DNMBP: variants seen among roughly 807,000 people sequenced by gnomAD.
DNMBP encodes dynamin-binding protein.
In DNMBP, 87 loss-of-function variants were observed where a neutral mutation model predicts 150.0. That is an observed-to-expected ratio of 0.58 (90% confidence interval 0.49 to 0.69). The LOEUF is 0.69. DNMBP is among the 30% of genes least tolerant of loss of function. The pLI is 0.00. For missense variants in DNMBP, 1,774 were observed against 1,949.0 expected, an observed-to-expected ratio of 0.91 and a Z score of 1.69; for synonymous variants, 711 against 750.4, an observed-to-expected ratio of 0.95 and a Z score of 0.86.
At chr10:99,889,140 A>G in intron 11 of DNMBP, 187 bp from the exon 12 acceptor site, 1 of 602,696 alleles carries the variant, frequency 1.7e-6, no homozygotes, top group Admixed American at 3.3e-5. Context: ...GCACAGAGAA[A>G]GGCTAAGACT....
chr10:99,934,607 G>A (rs1332923169), intron 4 of DNMBP, among the ~76,000 whole-genome samples: 1 of 135,878 alleles, frequency 7.4e-6, no homozygotes, highest in African/African-American at 2.8e-5. Context: ...GGATTACTGA[G>A]GAAGAAGCCA....
At position 99,886,711 on chromosome 10, in the gene DNMBP, A is replaced by C. The variant is rs1024589094; in HGVS notation, c.3286-79T>G. On this transcript the variant is annotated intron_variant, in intron 12 of 16. Transcript: ENST00000324109. The stretch of plus-strand genomic sequence containing the variant: ...ATTATCCAAGTCACTCTTAAGGCTG[A>C]CTTTGTTGTGTCCTGAACCACCTAC... 6.4e-6 allele frequency: 9 copies of C among 1,397,464 alleles called. 1 individual carries two copies. The African/African-American group carries it at 1.3e-4, about 20-fold the overall frequency. The allele number at this position is 1,397,464 out of a possible 1,614,324, so 86.6% of individuals were successfully genotyped here.
At chr10:99,950,380 G>A (rs575708097) in intron 4 of DNMBP, among the ~76,000 whole-genome samples, 79 of 152,258 alleles carry the variant, frequency 5.2e-4, no homozygotes, top group African/African-American at 1.7e-3. Flanking sequence ...CCAGTAAAGC[G>A]GGGCACTGCT....
chr10:99,897,958 T>A, intron 9 of DNMBP, 128 bp downstream of exon 9: 1 of 725,604 alleles, frequency 1.4e-6, no homozygotes, highest in Non-Finnish European at 2.4e-6. Flanking sequence ...AATTCTACCA[T>A]TTCTTCATCA....
At chr10:99,994,010 A>T (rs2040926097) in intron 1 of DNMBP, among the ~76,000 whole-genome samples, 1 of 152,228 alleles carries the variant, frequency 6.6e-6, no homozygotes, top group Non-Finnish European at 1.5e-5. Context: ...GAGGGTAGGT[A>T]ACAAACACAG....
intron 11 of DNMBP, among the ~76,000 whole-genome samples, chr10:99,890,800 T>C (rs933469008): frequency 6.6e-6 from 1 of 152,110 alleles, no homozygotes; most frequent in Non-Finnish European, 1.5e-5. Flanking sequence ...GTGCCTGCCA[T>C]CATGCCCAGC....
chr10:99,925,364 G>A lies in DNMBP; in HGVS notation c.2261-16218C>T, dbSNP rs569426096. On this transcript the variant is annotated intron_variant, in intron 4 of 16. Transcript: ENST00000324109. ...CTATCTCTTCATTTATAAAATAAATGGGTTGTATTTAAGTGTTTTTCAAAC... is the reference window on the plus strand; with the variant it reads ...CTATCTCTTCATTTATAAAATAAATAGGTTGTATTTAAGTGTTTTTCAAAC... 3.9e-5 allele frequency among the ~76,000 whole-genome samples: 6 copies of A among 152,162 alleles called. No homozygotes were observed. The East Asian group carries it at 1.2e-3, about 29-fold the overall frequency.
In DNMBP at chr10:99,920,304, A is replaced by G. The variant is rs1025774313; in HGVS notation, c.2261-11158T>C. Among the ~76,000 whole-genome samples, 3 of 152,010 alleles carry G rather than the reference A, an allele frequency of 2.0e-5. No individual in the cohort carries two copies. In the East Asian group the frequency reaches 5.8e-4, roughly 29 times the overall value. ...TGGTCACAGTGGCCTCAAACTCCCAACCTCAGGTGATCCACTCGCCTCGGC... is the reference window on the plus strand; with the variant it reads ...TGGTCACAGTGGCCTCAAACTCCCAGCCTCAGGTGATCCACTCGCCTCGGC... On this transcript the variant is annotated intron_variant, in intron 4 of 16. Transcript: ENST00000324109.
chr10:99,958,072 G>A (rs2040520868), intron 3 of DNMBP: 1 of 152,142 alleles, frequency 6.6e-6, no homozygotes. Flanking sequence ...AGGTCGCAGT[G>A]AGCCGAGATC....
chr10:99,929,708 T>C, intron 4 of DNMBP: 4 of 703,006 alleles, frequency 5.7e-6, no homozygotes, highest in Non-Finnish European at 1.0e-5. Flanking sequence ...CTGGGCCATT[T>C]AATTTTTTCT....
At chr10:99,890,833 G>GT (rs910310438) in intron 11 of DNMBP, among the ~76,000 whole-genome samples, 3 of 152,102 alleles carry the variant, frequency 2.0e-5, no homozygotes, top group African/African-American at 7.2e-5. Context: ...TTTTAGTAGA[G>GT]ACAGGGTTTC....
chr10:99,957,867 C>G (rs1342433169), intron 3 of DNMBP: 2 of 152,552 alleles, frequency 1.3e-5, no homozygotes, highest in South Asian at 2.1e-4. Context: ...GGCGCGATGG[C>G]TCATGCCTGT....
At chr10:99,945,155 A>G (rs1247101700) in intron 4 of DNMBP, among the ~76,000 whole-genome samples, 1 of 152,186 alleles carries the variant, frequency 6.6e-6, no homozygotes, top group Admixed American at 6.5e-5. Context: ...GGAAATTTAT[A>G]TGTCTTTCTA....
chr10:99,895,122 C>CA, intron 10 of DNMBP, 72 bp from the exon 11 acceptor site: 2 of 510,096 alleles, frequency 3.9e-6, no homozygotes, highest in Non-Finnish European at 6.6e-6. Flanking sequence ...AAGTAGCTTG[C>CA]TTTTTTTTTT....
At chr10:99,904,224 C>T (rs2039788800) in intron 6 of DNMBP, among the ~76,000 whole-genome samples, 1 of 151,834 alleles carries the variant, frequency 6.6e-6, no homozygotes, top group South Asian at 2.1e-4. Flanking sequence ...TGCTACACCC[C>T]AGCTTGGGAA....
At chr10:99,884,939 A>T (rs2039433288) in intron 14 of DNMBP, among the ~76,000 whole-genome samples, 1 of 152,102 alleles carries the variant, frequency 6.6e-6, no homozygotes, top group Non-Finnish European at 1.5e-5. Context: ...GGTAATATAA[A>T]TTAATGTCTA....
intron 4 of DNMBP, among the ~76,000 whole-genome samples, chr10:99,912,441 AAACAAT>A (rs1387426008): frequency 6.6e-6 from 1 of 152,278 alleles, no homozygotes; most frequent in Non-Finnish European, 1.5e-5. Context: ...AAATGGAGAA[AAACAAT>A]AACAATTCTT....
intron 6 of DNMBP, among the ~76,000 whole-genome samples, chr10:99,906,162 C>T (rs958181509): frequency 1.3e-5 from 2 of 152,026 alleles, no homozygotes; most frequent in African/African-American, 2.4e-5. Flanking sequence ...TTCCTGTGTC[C>T]GTTTTTCTCC....
intron 4 of DNMBP, among the ~76,000 whole-genome samples, chr10:99,916,124 T>C (rs780112050): frequency 6.6e-6 from 1 of 152,250 alleles, no homozygotes; most frequent in Non-Finnish European, 1.5e-5. Context: ...TATTTGCACA[T>C]ATTAATATGA....
Sources: allele counts gnomAD v4.1 joint callset (sites outside exome capture counted in the v4.1 genomes callset), GRCh38; gene constraint gnomAD v4.1.1; transcripts MANE v1.5; gene names NCBI Gene and HGNC (gene_info 2026-07-23, HGNC 2026-07-21).